Variants in MDFIC2 observed in about 807,000 individuals in gnomAD.
The protein encoded by MDFIC2 is myoD family inhibitor domain-containing protein 2.
intron 2 of MDFIC2, among the ~76,000 whole-genome samples, chr3:70,259,417 A>T (rs546780591): frequency 1.5e-4 from 22 of 144,380 alleles, no homozygotes; most frequent in East Asian, 7.9e-4. Flanking sequence ...ATTGACTTTT[A>T]AAAAAAAAAA....
intron 2 of MDFIC2, among the ~76,000 whole-genome samples, chr3:70,310,575 A>G (rs2106709563): frequency 6.6e-6 from 1 of 152,062 alleles, no homozygotes; most frequent in East Asian, 1.9e-4. Flanking sequence ...CATGTTGGCC[A>G]GGCTGGTCTT....
chr3:70,264,310 T>C (rs751474968), intron 2 of MDFIC2, among the ~76,000 whole-genome samples: 4 of 152,228 alleles, frequency 2.6e-5, no homozygotes, highest in African/African-American at 4.8e-5. Context: ...TTTGCCACAA[T>C]GCAGGCCTTT....
At chr3:70,222,314 T>C (rs1481061818) in intron 2 of MDFIC2, among the ~76,000 whole-genome samples, 1 of 152,232 alleles carries the variant, frequency 6.6e-6, no homozygotes, top group African/African-American at 2.4e-5. Context: ...AGTTCTTCTG[T>C]GTTACCATGA....
At chr3:70,234,379 T>C (rs1338229706) in intron 2 of MDFIC2, among the ~76,000 whole-genome samples, 1 of 152,208 alleles carries the variant, frequency 6.6e-6, no homozygotes, top group Non-Finnish European at 1.5e-5. Context: ...CTAGGCACAG[T>C]GGCTCATGCC....
intron 2 of MDFIC2, among the ~76,000 whole-genome samples, chr3:70,237,763 T>A (rs915895954): frequency 6.6e-6 from 1 of 152,150 alleles, no homozygotes; most frequent in African/African-American, 2.4e-5. Context: ...AATGTGCATG[T>A]GTTATGATTT....
intron 2 of MDFIC2, among the ~76,000 whole-genome samples, chr3:70,295,391 T>A (rs1381806304): frequency 6.6e-6 from 1 of 152,176 alleles, no homozygotes; most frequent in African/African-American, 2.4e-5. Context: ...TTGACTGAAT[T>A]ATTCCCAAAG....
At position 70,304,838 on chromosome 3, in the gene MDFIC2, C is replaced by A. The variant is rs559746930; in HGVS notation, c.88+7048G>T. Among the ~76,000 whole-genome samples, 4 of 152,270 alleles carry A rather than the reference C, an allele frequency of 2.6e-5. No homozygotes were observed. In the East Asian group the frequency reaches 7.7e-4, roughly 29 times the overall value. ...AAAAAATATCCAGATTCCCAACTGA[C>A]CAACAAGGTTCTGCATTATTTCCAA... On this transcript the variant is annotated intron_variant, in intron 2 of 3. Transcript: ENST00000567252.
At chr3:70,258,956 T>C (rs977530549) in intron 2 of MDFIC2, among the ~76,000 whole-genome samples, 2 of 152,164 alleles carry the variant, frequency 1.3e-5, no homozygotes, top group Non-Finnish European at 2.9e-5. Flanking sequence ...GAAATTTAAA[T>C]ATATATTTGA....
intron 2 of MDFIC2, among the ~76,000 whole-genome samples, chr3:70,252,877 C>G (rs913431348): frequency 6.6e-6 from 1 of 151,838 alleles, no homozygotes; most frequent in Non-Finnish European, 1.5e-5. Context: ...GTCAGGAGTT[C>G]GAGACCAGCG....
chr3:70,206,824 C>G (rs1003405608), intron 2 of MDFIC2, 34 bp from the exon 3 acceptor site: 2 of 397,068 alleles, frequency 5.0e-6, no homozygotes, highest in Non-Finnish European at 8.9e-6. Flanking sequence ...ATACAGAAAC[C>G]CACTATGGTT....
At chr3:70,283,441 A>C (rs1011752456) in intron 2 of MDFIC2, among the ~76,000 whole-genome samples, 2 of 152,108 alleles carry the variant, frequency 1.3e-5, no homozygotes, top group African/African-American at 4.8e-5. Flanking sequence ...AGAATTGTTC[A>C]AAGAGCAAGG....
chr3:70,261,366 T>C (rs142324436), intron 2 of MDFIC2, among the ~76,000 whole-genome samples: 10 of 152,346 alleles, frequency 6.6e-5, no homozygotes, highest in African/African-American at 2.4e-4. Flanking sequence ...AAAGTTGATG[T>C]GAACATGCAT....
intron 2 of MDFIC2, among the ~76,000 whole-genome samples, chr3:70,247,569 G>A (rs1701719127): frequency 6.6e-6 from 1 of 151,644 alleles, no homozygotes; most frequent in Non-Finnish European, 1.5e-5. Context: ...ACATATCAAT[G>A]CCACAACTCA....
chr3:70,291,305 C>T (rs1485642013), intron 2 of MDFIC2: 1 of 151,958 alleles, frequency 6.6e-6, no homozygotes, highest in Non-Finnish European at 1.5e-5. Flanking sequence ...TAATAGCAGC[C>T]AACTCATTTT....
chr3:70,259,030 A>G (rs1330052360), intron 2 of MDFIC2, among the ~76,000 whole-genome samples: 1 of 152,218 alleles, frequency 6.6e-6, no homozygotes, highest in African/African-American at 2.4e-5. Flanking sequence ...GTTAGTGCTA[A>G]TTAGAGAAAG....
chr3:70,273,739 A>G (rs1004961370), intron 2 of MDFIC2, among the ~76,000 whole-genome samples: 1 of 152,234 alleles, frequency 6.6e-6, no homozygotes, highest in African/African-American at 2.4e-5. Flanking sequence ...TTTAAAGAGT[A>G]GCTTTTTCAG....
intron 2 of MDFIC2, among the ~76,000 whole-genome samples, chr3:70,290,802 G>A (rs142105516): frequency 5.9e-5 from 9 of 152,290 alleles, no homozygotes; most frequent in African/African-American, 2.2e-4. Flanking sequence ...CGCAGTATTC[G>A]GGTGGGAGTG....
chr3:70,304,947 A>G (rs1702385565), intron 2 of MDFIC2, among the ~76,000 whole-genome samples: 1 of 151,590 alleles, frequency 6.6e-6, no homozygotes, highest in Admixed American at 6.6e-5. Context: ...AGCTACTCTG[A>G]GCTGTACTAT....
intron 2 of MDFIC2, among the ~76,000 whole-genome samples, chr3:70,309,085 G>A (rs1575622293): frequency 2.0e-5 from 3 of 152,236 alleles, no homozygotes; most frequent in African/African-American, 2.4e-5. Context: ...GGGAGTGAGG[G>A]AGGTTGGAGG....
Sources: allele counts gnomAD v4.1 joint callset (sites outside exome capture counted in the v4.1 genomes callset), GRCh38; gene constraint gnomAD v4.1.1; transcripts MANE v1.5; gene names NCBI Gene and HGNC (gene_info 2026-07-23, HGNC 2026-07-21).